The following FOXK1 variants were observed in gnomAD, a reference collection of about 807,000 sequenced individuals.
FOXK1 encodes the protein forkhead box protein K1.
In FOXK1, 19 loss-of-function variants were observed where a neutral mutation model predicts 51.9. The ratio of observed to expected loss-of-function variants is 0.37; its 90% CI spans 0.26 to 0.54. FOXK1 has a LOEUF of 0.54. FOXK1 is among the 20% of genes least tolerant of loss of function. The pLI is 0.87. For missense variants in FOXK1, 870 were observed against 1,032.7 expected (o/e 0.84, Z 2.16); for synonymous variants, 537 against 482.6 (o/e 1.11, Z -1.48).
chr7:4,693,476 G>C (rs1779918028), intron 1 of FOXK1, among the ~76,000 whole-genome samples: 1 of 152,166 alleles, frequency 6.6e-6, no homozygotes, highest in South Asian at 2.1e-4. Flanking sequence ...ATATGACTTG[G>C]CTACAGTTAG....
At chr7:4,725,431 G>A (rs926548537) in intron 1 of FOXK1, among the ~76,000 whole-genome samples, 62 of 152,356 alleles carry the variant, frequency 4.1e-4, no homozygotes, top group African/African-American at 1.3e-3. Flanking sequence ...GGGCTTAGTT[G>A]TTGTCTCAGG....
At chr7:4,744,747 G>A (rs1178630707) in intron 2 of FOXK1, among the ~76,000 whole-genome samples, 5 of 152,224 alleles carry the variant, frequency 3.3e-5, no homozygotes, top group South Asian at 2.1e-4. Flanking sequence ...CTCTTGCTGC[G>A]GGAGCCAGGA....
At chr7:4,705,726 A>AG (rs1334974641) in intron 1 of FOXK1, among the ~76,000 whole-genome samples, 1 of 150,140 alleles carries the variant, frequency 6.7e-6, no homozygotes, top group Non-Finnish European at 1.5e-5. Flanking sequence ...TTTAGTAGAG[A>AG]GGGGGTTTCA....
rs1780118697 is a variant in FOXK1, at chr7:4,707,610, C to G, written c.560+24742C>G. ...CGGGTTTTCCTGGAGAAGGCTGCCT[C>G]ACTGGGTCTTTGCAGTTGGCGTGTT... On this transcript the variant is annotated intron_variant, in intron 1 of 8. Transcript: ENST00000328914. This position sits in a 1 kb window ranked among gnomAD's most constrained non-coding sequence, Gnocchi z 4.1. Among the ~76,000 whole-genome samples, 1 of 152,048 alleles carries G rather than the reference C, an allele frequency of 6.6e-6. No individual in the cohort carries two copies. The highest frequency in any genetic ancestry group is 1.5e-5 in the Non-Finnish European group (1 of 68,034).
chr7:4,734,846 G>A lies in FOXK1; in HGVS notation c.561-5992G>A, dbSNP rs559040059. On this transcript the variant is annotated intron_variant, in intron 1 of 8. Transcript: ENST00000328914. The surrounding 1 kb of genome is among the most constrained non-coding windows in gnomAD (Gnocchi z 5.2). ...TTCACCCCATCCAGAAAGTAAACCC[G>A]TCCTTCCGCTGGGAGAGACGGGGCG... 5.3e-5 allele frequency among the ~76,000 whole-genome samples: 8 copies of A among 152,300 alleles called. No homozygotes were observed. Among genetic ancestry groups the A allele is most frequent in the Middle Eastern group, 3.4e-3 (1 of 294 alleles).
At chr7:4,686,413 A>G (rs1248251057) in intron 1 of FOXK1, among the ~76,000 whole-genome samples, 5 of 152,200 alleles carry the variant, frequency 3.3e-5, no homozygotes, top group Non-Finnish European at 7.3e-5. Context: ...CCAAATCTTC[A>G]ATATTTTTAA....
chr7:4,719,533 G>A (rs145782177), intron 1 of FOXK1, among the ~76,000 whole-genome samples: 16 of 152,242 alleles, frequency 1.1e-4, no homozygotes, highest in Admixed American at 3.3e-4. Flanking sequence ...CCAGGCTGGA[G>A]TGCAGTGGCG....
At chr7:4,721,470 A>G (rs1286199806) in intron 1 of FOXK1, among the ~76,000 whole-genome samples, 1 of 152,186 alleles carries the variant, frequency 6.6e-6, no homozygotes, top group Non-Finnish European at 1.5e-5. Flanking sequence ...GCTGTCAGTT[A>G]ACTTCAGAAA....
intron 2 of FOXK1, among the ~76,000 whole-genome samples, chr7:4,746,432 C>T (rs1322836884): frequency 6.6e-6 from 1 of 152,096 alleles, no homozygotes; most frequent in Non-Finnish European, 1.5e-5. Flanking sequence ...TGTGGTGACG[C>T]ACTTTGGGAA....
chr7:4,755,411 G>C lies in FOXK1; in HGVS notation c.1050+28G>C, dbSNP rs77087728. Reference sequence around the variant, plus strand: ...GAAGCCGAGTCCCCAGGGCCGGATCGCCTCTGAAGGCCCTTAGAACATGGA... The same window carrying C: ...GAAGCCGAGTCCCCAGGGCCGGATCCCCTCTGAAGGCCCTTAGAACATGGA... On this transcript the variant is annotated intron_variant, in intron 4 of 8. Transcript: ENST00000328914. This position sits in a 1 kb window ranked among gnomAD's most constrained non-coding sequence, Gnocchi z 6.6. The C allele has an allele frequency of 2.5e-6, 4 of 1,610,766 alleles. No individual in the cohort carries two copies. Among genetic ancestry groups the C allele is most frequent in the Non-Finnish European group, 3.4e-6 (4 of 1,178,524 alleles).
At chr7:4,685,984 C>T (rs1297202274) in intron 1 of FOXK1, among the ~76,000 whole-genome samples, 2 of 151,644 alleles carry the variant, frequency 1.3e-5, no homozygotes, top group African/African-American at 4.8e-5. Flanking sequence ...AAAAACGATT[C>T]TTAAGCCTAT....
At chr7:4,702,283 C>T (rs895666044) in intron 1 of FOXK1, among the ~76,000 whole-genome samples, 1 of 152,114 alleles carries the variant, frequency 6.6e-6, no homozygotes, top group African/African-American at 2.4e-5. Context: ...CTAGACCTCC[C>T]GCGTATGTCA....
chr7:4,685,350 G>C (rs1172712593), intron 1 of FOXK1, among the ~76,000 whole-genome samples: 1 of 150,904 alleles, frequency 6.6e-6, no homozygotes, highest in Non-Finnish European at 1.5e-5. Flanking sequence ...GAGTGGCTGG[G>C]ACTACAGGCG....
At chr7:4,684,886 AG>A (rs1399195611) in intron 1 of FOXK1, among the ~76,000 whole-genome samples, 1 of 151,934 alleles carries the variant, frequency 6.6e-6, no homozygotes, top group Non-Finnish European at 1.5e-5. Context: ...GTCTACGAAT[AG>A]GCCAGTAGCA....
chr7:4,754,827 G>A (rs1780822474), intron 3 of FOXK1: 2 of 674,870 alleles, frequency 3.0e-6, no homozygotes, highest in African/African-American at 1.8e-5. Flanking sequence ...GCTGGTGACA[G>A]GGGTGGCGCC....
chr7:4,712,382 T>C (rs1417704213), intron 1 of FOXK1, among the ~76,000 whole-genome samples: 2 of 152,182 alleles, frequency 1.3e-5, no homozygotes, highest in Admixed American at 1.3e-4. Flanking sequence ...CAACTGAGGA[T>C]TGACCGTTCC....
chr7:4,685,050 G>A (rs988091593), intron 1 of FOXK1, among the ~76,000 whole-genome samples: 1 of 151,886 alleles, frequency 6.6e-6, no homozygotes, highest in South Asian at 2.1e-4. Flanking sequence ...CATTAGATGT[G>A]CGTGAAGTGC....
At position 4,762,275 on chromosome 7, in the gene FOXK1, G is replaced by A. The variant is rs890021052; in HGVS notation, c.2013G>A (p.Glu671=). The part of the protein sequence containing the change: ...VTRVCEVGPK[E]PAAAVAATAT... ...GGGTGTGCGAGGTGGGGCCCAAGGAGCCAGCAGCAGCCGTCGCGGCCACGG... is the reference window on the plus strand; with the variant it reads ...GGGTGTGCGAGGTGGGGCCCAAGGAACCAGCAGCAGCCGTCGCGGCCACGG... Residue 671 remains glutamate, a synonymous_variant, in exon 9 of 9, where the codon GAG becomes GAA. Coordinates refer to ENST00000328914, the MANE Select transcript of FOXK1 (RefSeq NM_001037165.2). This position sits in a 1 kb window ranked among gnomAD's most constrained non-coding sequence, Gnocchi z 5.7. 2 of 1,550,648 alleles carry A rather than the reference G, an allele frequency of 1.3e-6. No homozygotes were observed. The highest frequency in any genetic ancestry group is 2.0e-5 in the Admixed American group (1 of 51,000).
Position 4,762,329 on chromosome 7 carries a change from C to G in FOXK1, c.2067C>G (p.Thr689=). Residue 689 remains threonine (T), a synonymous_variant, in exon 9 of 9, where the codon ACC becomes ACG. Coordinates refer to ENST00000328914, the MANE Select transcript of FOXK1 (RefSeq NM_001037165.2). This position sits in a 1 kb window ranked among gnomAD's most constrained non-coding sequence, Gnocchi z 5.7. ...CCACCACCCCAGCCACTGCCACCAC[C>G]GCCTCTGCCTCCGCCTCTTCCACTG... ...TATTTPATAT[T]ASASASSTGE... is the part of the protein sequence containing the mutation. 1 of 1,550,894 alleles carries G rather than the reference C, an allele frequency of 6.4e-7. No individual in the cohort carries two copies. The highest frequency in any genetic ancestry group is 1.2e-5 in the South Asian group (1 of 84,070).
Sources: gnomAD v4.1 joint callset for allele counts (sites outside exome capture counted in the v4.1 genomes callset) on GRCh38, gnomAD v4.1.1 for gene constraint, Gnocchi (gnomAD v3.1) non-coding constraint, MANE v1.5 for transcripts, NCBI Gene and HGNC (gene_info 2026-07-23, HGNC 2026-07-21) for gene names.